The following PRAG1 variants were observed in gnomAD, a reference collection of about 807,000 sequenced individuals.
PRAG1 encodes PEAK1 related, kinase-activating pseudokinase 1.
A neutral mutation model predicts 95.6 loss-of-function variants in PRAG1; 110 were observed. The observed-to-expected ratio is 1.15, with a 90% confidence interval of 0.99 to 1.35. The LOEUF is 1.35. Among genes scored for constraint, PRAG1 ranks in the 40% most tolerant of loss-of-function variants. PRAG1 has a pLI of 0.00. For missense variants in PRAG1, 2,554 were observed against 1,864.7 expected (o/e 1.37, Z -6.81); for synonymous variants, 1,052 against 819.4 (o/e 1.28, Z -4.85).
chr8:8,343,890 A>C (rs910164140), intron 3 of PRAG1, among the ~76,000 whole-genome samples: 9 of 152,198 alleles, frequency 5.9e-5, no homozygotes, highest in Middle Eastern at 3.2e-3. Flanking sequence ...ATGTAATTTT[A>C]AGTTTTCTGG....
intron 1 of PRAG1, among the ~76,000 whole-genome samples, chr8:8,384,212 C>A (rs182313267): frequency 6.6e-6 from 1 of 152,110 alleles, no homozygotes; most frequent in Non-Finnish European, 1.5e-5. Context: ...GCCTCCTCAA[C>A]AGGCAAGTAA....
rs772643414 is a variant in PRAG1 at position 8,381,675 on chromosome 8, A to G, written c.73T>C (p.Trp25Arg). 1.9e-6 allele frequency: 3 copies of G among 1,613,478 alleles called. No individual in the cohort carries two copies. The South Asian group carries it at 3.3e-5, about 18-fold the overall frequency. The change falls in exon 2 of 6, where the codon TGG becomes CGG. Residue 25 changes from tryptophan to arginine, a missense_variant. By Grantham distance (101) the Trp-to-Arg change is moderately radical. Coordinates refer to ENST00000615670, the MANE Select transcript of PRAG1 (RefSeq NM_001080826.3). ...CAGTTCTTGCAGGACCCGGGTTTCCAGATGTGCTCCACAAAGTCACTGCAC... is the reference window on the plus strand; with the variant it reads ...CAGTTCTTGCAGGACCCGGGTTTCCGGATGTGCTCCACAAAGTCACTGCAC... ...SACSDFVEHIWKPGSCKNCFC... is the reference protein window; with the variant it reads ...SACSDFVEHIRKPGSCKNCFC...
chr8:8,378,221 GTGCA>G, intron 2 of PRAG1, 143 bp from the exon 3 acceptor site: 1 of 914,550 alleles, frequency 1.1e-6, no homozygotes, highest in Non-Finnish European at 1.6e-6. Flanking sequence ...CGGGGACTCA[GTGCA>G]CGCCCACCTT....
intron 1 of PRAG1, among the ~76,000 whole-genome samples, chr8:8,383,139 G>A (rs936363054): frequency 5.9e-5 from 9 of 152,130 alleles, no homozygotes; most frequent in African/African-American, 2.2e-4. Flanking sequence ...GGACTAACCA[G>A]GTGGAATGAG....
chr8:8,378,177 T>C, intron 2 of PRAG1, 99 bp from the exon 3 acceptor site: 1 of 1,397,912 alleles, frequency 7.2e-7, no homozygotes, highest in Non-Finnish European at 9.5e-7. Flanking sequence ...TACTGTAGAA[T>C]GTCTTCTGTA....
intron 2 of PRAG1, 31 bp from the exon 3 acceptor site, chr8:8,378,109 T>A: frequency 6.6e-7 from 1 of 1,508,148 alleles, no homozygotes; most frequent in South Asian, 1.3e-5. Context: ...AAAAGACTTA[T>A]ATTAGAACTT....
intron 3 of PRAG1, chr8:8,374,507 C>G (rs1800314849): frequency 3.2e-6 from 1 of 310,144 alleles, no homozygotes; most frequent in Non-Finnish European, 4.7e-6. Context: ...CCCTAGCTTT[C>G]TATCTCTGCT....
chr8:8,328,048 A>T lies in PRAG1; in HGVS notation c.2734T>A (p.Cys912Ser), dbSNP rs377354862. 16 of 1,590,632 alleles carry T rather than the reference A, an allele frequency of 1.0e-5. No homozygotes were observed. The East Asian group carries it at 3.1e-4, about 31-fold the overall frequency. ...GATGAGGCGGAGGGGGCCCCTTTGC[A>T]CTGGAGGCCAGGGCTCCCGCAGCCG... ...RGGCGSPGLQ[C>S]KGAPSASSSQ... is the part of the protein sequence containing the mutation. The change falls in exon 5 of 6, where the codon TGC becomes AGC. Residue 912 changes from cysteine to serine, a missense_variant. By Grantham distance (112) the Cys-to-Ser change is moderately radical. Transcript: ENST00000615670.
intron 3 of PRAG1, among the ~76,000 whole-genome samples, chr8:8,375,286 C>T (rs566225292): frequency 4.3e-4 from 65 of 151,970 alleles, no homozygotes; most frequent in South Asian, 1.0e-3. Context: ...TCACTGCAAG[C>T]TCCACCTCCC....
chr8:8,336,136 T>C (rs561934477), intron 4 of PRAG1, among the ~76,000 whole-genome samples: 2 of 152,336 alleles, frequency 1.3e-5, no homozygotes, highest in South Asian at 2.1e-4. Flanking sequence ...TCTTATCTAT[T>C]GCTGGTGCCA....
At chr8:8,360,412 A>T (rs1042989845) in intron 3 of PRAG1, among the ~76,000 whole-genome samples, 1 of 152,172 alleles carries the variant, frequency 6.6e-6, no homozygotes, top group African/African-American at 2.4e-5. Flanking sequence ...CTGAATTACC[A>T]AAATTTCTCC....
At chr8:8,354,731 T>C (rs1002163110) in intron 3 of PRAG1, among the ~76,000 whole-genome samples, 3 of 152,182 alleles carry the variant, frequency 2.0e-5, no homozygotes, top group Non-Finnish European at 4.4e-5. Context: ...CATCCTTTCT[T>C]GATAAAAACT....
chr8:8,334,491 C>T (rs748797123), intron 4 of PRAG1, among the ~76,000 whole-genome samples: 2 of 151,206 alleles, frequency 1.3e-5, no homozygotes, highest in African/African-American at 2.4e-5. Context: ...AGAAGATAAA[C>T]GTGTTCTGAA....
chr8:8,346,245 A>C (rs1288929227), intron 3 of PRAG1, among the ~76,000 whole-genome samples: 1 of 152,228 alleles, frequency 6.6e-6, no homozygotes, highest in Non-Finnish European at 1.5e-5. Flanking sequence ...CATGGACAAA[A>C]ACCTCATACT....
intron 3 of PRAG1, among the ~76,000 whole-genome samples, chr8:8,342,802 T>C (rs564970414): frequency 6.6e-6 from 1 of 152,148 alleles, no homozygotes; most frequent in Non-Finnish European, 1.5e-5. Flanking sequence ...AAATTTTAAA[T>C]TCATCAGAAA....
intron 2 of PRAG1, among the ~76,000 whole-genome samples, chr8:8,380,852 CAAAAA>C (rs71217290): frequency 1.4e-3 from 90 of 64,400 alleles, no homozygotes; most frequent in South Asian, 5.9e-3. Flanking sequence ...GACTCCATCT[CAAAAA>C]AAAAAAAAAA....
chr8:8,345,766 G>A (rs1429657730), intron 3 of PRAG1, among the ~76,000 whole-genome samples: 2 of 152,174 alleles, frequency 1.3e-5, no homozygotes, highest in East Asian at 1.9e-4. Flanking sequence ...CTGCACTCCA[G>A]CCTGGGTGAC....
At chr8:8,349,896 G>A (rs1219439080) in intron 3 of PRAG1, among the ~76,000 whole-genome samples, 1 of 149,694 alleles carries the variant, frequency 6.7e-6, no homozygotes, top group Non-Finnish European at 1.5e-5. Context: ...TTTAACACAG[G>A]ATAAACTCAT....
intron 1 of PRAG1, among the ~76,000 whole-genome samples, chr8:8,384,152 C>G (rs1278314355): frequency 6.6e-6 from 1 of 152,188 alleles, no homozygotes; most frequent in Non-Finnish European, 1.5e-5. Flanking sequence ...ACCACTTCCT[C>G]AGGGTCTATC....
Sources: gnomAD v4.1 joint callset for allele counts (sites outside exome capture counted in the v4.1 genomes callset) on GRCh38, gnomAD v4.1.1 for gene constraint, MANE v1.5 for transcripts, NCBI Gene and HGNC (gene_info 2026-07-23, HGNC 2026-07-21) for gene names.